The following CYB5D2 variants were observed in gnomAD, a reference collection of about 807,000 sequenced individuals.
The protein encoded by CYB5D2 is neuferricin.
In CYB5D2, 23 loss-of-function variants were observed where a neutral mutation model predicts 22.8. The observed-to-expected ratio is 1.01, with a 90% CI of 0.73 to 1.43. CYB5D2 has a LOEUF of 1.43. CYB5D2 is among the 40% of genes most tolerant of loss of function. CYB5D2 has a pLI of 0.00. For synonymous variants in CYB5D2, 170 were observed against 152.2 expected, an observed-to-expected ratio of 1.12 and a Z score of -0.86; for missense variants, 373 against 357.2, an observed-to-expected ratio of 1.04 and a Z score of -0.36.
intron 1 of CYB5D2, among the ~76,000 whole-genome samples, chr17:4,146,260 A>G (rs554745520): frequency 2.7e-5 from 4 of 150,760 alleles, no homozygotes; most frequent in South Asian, 2.1e-4. Context: ...TGTCTGGCTA[A>G]TTTTTTTTAT....
chr17:4,144,839 T>G (rs2058965332), intron 1 of CYB5D2, among the ~76,000 whole-genome samples: 1 of 151,740 alleles, frequency 6.6e-6, no homozygotes, highest in Non-Finnish European at 1.5e-5. Flanking sequence ...CAGGCTGGAG[T>G]GCAGTGGCCT....
intron 1 of CYB5D2, among the ~76,000 whole-genome samples, chr17:4,147,872 A>G (rs186418055): frequency 6.6e-4 from 101 of 152,224 alleles, no homozygotes; most frequent in Middle Eastern, 3.4e-3. Context: ...ACAAACAGAA[A>G]TTTGGCAAGG....
intron 2 of CYB5D2, among the ~76,000 whole-genome samples, chr17:4,151,593 G>C (rs537561160): frequency 1.3e-5 from 2 of 151,588 alleles, no homozygotes; most frequent in South Asian, 4.2e-4. Flanking sequence ...AGGCTGAGAC[G>C]GGAGAATTGC....
chr17:4,151,643 C>T (rs568010457), intron 2 of CYB5D2, among the ~76,000 whole-genome samples: 188 of 151,792 alleles, frequency 1.2e-3, no homozygotes, highest in African/African-American at 4.3e-3. Context: ...GCCAAGATCG[C>T]ACCACTACAC....
At chr17:4,150,574 T>C (rs2059045392) in intron 2 of CYB5D2, among the ~76,000 whole-genome samples, 1 of 148,214 alleles carries the variant, frequency 6.7e-6, no homozygotes, top group Non-Finnish European at 1.5e-5. Flanking sequence ...AACTGTGTCC[T>C]AAAGCAGTGT....
rs1224650528 is a variant in CYB5D2, at chr17:4,143,808, C to T, written c.53C>T (p.Ala18Val). 1.5e-5 allele frequency: 25 copies of T among 1,614,008 alleles called. No individual in the cohort carries two copies. Among genetic ancestry groups the T allele is most frequent in the African/African-American group, 2.7e-5 (2 of 74,946 alleles). ...GLLLGLAVAAAAVMAARLMGW... is the reference protein window; with the variant it reads ...GLLLGLAVAAVAVMAARLMGW... ...TTGTTGGGCCTGGCTGTAGCCGCAG[C>T]AGCGGTAATGGCAGCACGGCTTATG... Residue 18 changes from alanine to valine, a missense_variant, in exon 1 of 4, where the codon GCA becomes GTA. Transcript: ENST00000301391.
chr17:4,144,153 A>G, intron 1 of CYB5D2, 148 bp downstream of exon 1: 3 of 1,147,046 alleles, frequency 2.6e-6, no homozygotes, highest in South Asian at 1.6e-5. Context: ...GACGAGCTGC[A>G]TGCACTATCC....
At chr17:4,151,705 GAAAA>G (rs1482871472) in intron 2 of CYB5D2, among the ~76,000 whole-genome samples, 8 of 150,950 alleles carry the variant, frequency 5.3e-5, no homozygotes, top group Non-Finnish European at 1.0e-4. Context: ...AGAAAAAAAA[GAAAA>G]AGAATAAGAA....
chr17:4,143,748 C>A lies in CYB5D2; in HGVS notation c.-8C>A, dbSNP rs761245074. 1 of 1,612,020 alleles carries A rather than the reference C, an allele frequency of 6.2e-7. No homozygotes were observed. The highest frequency in any genetic ancestry group is 1.3e-5 in the African/African-American group (1 of 74,958). The stretch of plus-strand genomic sequence containing the variant: ...CCTCGGAAGTGCGGAGCGGGTGGGC[C>A]TATATAGATGTTGAGGTGCGGAGGC... On this transcript the variant is annotated 5_prime_UTR_variant, in exon 1 of 4. Coordinates refer to ENST00000301391, the MANE Select transcript of CYB5D2 (RefSeq NM_144611.4).
chr17:4,148,420 G>A (rs2059016256), intron 1 of CYB5D2, among the ~76,000 whole-genome samples: 1 of 151,696 alleles, frequency 6.6e-6, no homozygotes, highest in Non-Finnish European at 1.5e-5. Flanking sequence ...AGGAGGCTGA[G>A]GCAGGAGAAT....
intron 2 of CYB5D2, 114 bp downstream of exon 2, chr17:4,150,145 GT>G: frequency 7.3e-7 from 1 of 1,365,792 alleles, no homozygotes; most frequent in Non-Finnish European, 1.0e-6. Flanking sequence ...CCATGGATTT[GT>G]TTTACTTTAA....
At chr17:4,155,647 G>T (rs938293782) in intron 3 of CYB5D2, among the ~76,000 whole-genome samples, 5 of 152,160 alleles carry the variant, frequency 3.3e-5, no homozygotes, top group Non-Finnish European at 7.4e-5. Context: ...TAAGATAGGC[G>T]TGGGCCTTCC....
intron 1 of CYB5D2, among the ~76,000 whole-genome samples, chr17:4,145,473 C>T (rs895923239): frequency 5.9e-5 from 9 of 152,190 alleles, no homozygotes; most frequent in Admixed American, 3.9e-4. Flanking sequence ...CGTTGCGCTG[C>T]CCTGCTGCGT....
rs529621621 is a variant in CYB5D2, at chr17:4,149,830, C to A, written c.251-61C>A. 8.7e-4 allele frequency: 1,347 copies of A among 1,555,480 alleles called. 1 individual carries two copies. Among genetic ancestry groups the A allele is most frequent in the Non-Finnish European group, 1.1e-3 (1,266 of 1,151,858 alleles). ...AAAAGAAAAAGAAAGAAAACAGATT[C>A]TTGAGTGGGGATGGTGTCAGTGGTT... On this transcript the variant is annotated intron_variant, in intron 1 of 3. Transcript: ENST00000301391.
At chr17:4,154,053 C>G (rs1350455992) in intron 2 of CYB5D2, among the ~76,000 whole-genome samples, 2 of 152,170 alleles carry the variant, frequency 1.3e-5, no homozygotes, top group East Asian at 1.9e-4. Context: ...ACATTAGGAC[C>G]CTGGGCTGAG....
chr17:4,147,766 T>C (rs961886556), intron 1 of CYB5D2, among the ~76,000 whole-genome samples: 2 of 152,188 alleles, frequency 1.3e-5, no homozygotes, highest in African/African-American at 4.8e-5. Context: ...GGCAGGAGAA[T>C]TGCTTGAACC....
Position 4,157,088 on chromosome 17 carries a change from A to G in CYB5D2, c.*6A>G. On this transcript the variant is annotated 3_prime_UTR_variant, in exon 4 of 4. Coordinates refer to ENST00000301391, the MANE Select transcript of CYB5D2 (RefSeq NM_144611.4). This position sits in a 1 kb window ranked among gnomAD's most constrained non-coding sequence, Gnocchi z 4.4. The stretch of plus-strand genomic sequence containing the variant: ...CATGCTCCTTTCCACTCTAAGCCGT[A>G]GCCTCTTCTGTTAATAACACACAGA... The G allele has an allele frequency of 6.2e-7, 1 of 1,612,094 alleles. No individual in the cohort carries two copies. Among genetic ancestry groups the G allele is most frequent in the African/African-American group, 1.3e-5 (1 of 74,962 alleles).
intron 2 of CYB5D2, among the ~76,000 whole-genome samples, chr17:4,152,798 G>T (rs2059072019): frequency 6.6e-6 from 1 of 152,100 alleles, no homozygotes; most frequent in Non-Finnish European, 1.5e-5. Flanking sequence ...TATTTTTTCA[G>T]ATGGAGTCTT....
chr17:4,148,606 A>C (rs866007669), intron 1 of CYB5D2, among the ~76,000 whole-genome samples: 1 of 151,782 alleles, frequency 6.6e-6, no homozygotes, highest in Admixed American at 6.6e-5. Context: ...TCGGAGGCCA[A>C]GGTGGGTGGA....
Sources: allele counts gnomAD v4.1 joint callset (sites outside exome capture counted in the v4.1 genomes callset), GRCh38; gene constraint gnomAD v4.1.1; non-coding constraint Gnocchi (gnomAD v3.1); transcripts MANE v1.5; gene names NCBI Gene and HGNC (gene_info 2026-07-23, HGNC 2026-07-21).